Variants in PCDHA11 observed in about 807,000 individuals in gnomAD.
The protein encoded by PCDHA11 is protocadherin alpha-11.
PCDHA11 carries 61 observed loss-of-function variants against 70.3 expected under a neutral mutation model. The observed-to-expected ratio is 0.87, with a 90% CI of 0.71 to 1.07. The LOEUF (loss-of-function observed/expected upper bound fraction) is 1.07. Among genes scored for constraint, PCDHA11 ranks in the 50% least tolerant of loss-of-function variants. PCDHA11 has a pLI of 0.00. For synonymous variants in PCDHA11, 633 were observed against 555.1 expected, an observed-to-expected ratio of 1.14 and a Z score of -1.97; for missense variants, 1,324 against 1,237.5, an observed-to-expected ratio of 1.07 and a Z score of -1.05.
intron 1 of PCDHA11, among the ~76,000 whole-genome samples, chr5:140,951,227 G>A (rs181202222): frequency 1.3e-5 from 2 of 152,044 alleles, no homozygotes; most frequent in African/African-American, 2.4e-5. Flanking sequence ...ATTCTTGATG[G>A]TCTTTACCTT....
intron 3 of PCDHA11, among the ~76,000 whole-genome samples, chr5:140,983,182 C>T (rs782457174): frequency 6.6e-6 from 1 of 152,188 alleles, no homozygotes; most frequent in Non-Finnish European, 1.5e-5. Flanking sequence ...CTCACAATTT[C>T]TTAGTTTAGA....
At chr5:141,005,701 CAAAAAAAAAAAAAAAAAAAA>C (rs59860837) in intron 3 of PCDHA11, among the ~76,000 whole-genome samples, 1 of 7,786 alleles carries the variant, frequency 1.3e-4, no homozygotes, top group Admixed American at 1.6e-3. Flanking sequence ...AACTCCGTCT[CAAAAAAAAAAAAAAAAAAAA>C]AAAAAAAAAA....
chr5:140,921,706 T>C (rs2080341352), intron 1 of PCDHA11, among the ~76,000 whole-genome samples: 1 of 152,148 alleles, frequency 6.6e-6, no homozygotes, highest in Non-Finnish European at 1.5e-5. Flanking sequence ...TTTTAAACAG[T>C]AAACACACGA....
chr5:140,927,159 C>T (rs782468229), intron 1 of PCDHA11: 2 of 1,614,164 alleles, frequency 1.2e-6, no homozygotes, highest in South Asian at 2.2e-5. Context: ...TGTGCAGGGC[C>T]AAAGCTGCCT....
At chr5:140,901,553 A>C (rs1387848935) in intron 1 of PCDHA11, among the ~76,000 whole-genome samples, 1 of 152,072 alleles carries the variant, frequency 6.6e-6, no homozygotes, top group African/African-American at 2.4e-5. Flanking sequence ...TGTTCCATTC[A>C]TCTATGTGTC....
chr5:140,946,080 A>T lies in PCDHA11; in HGVS notation c.2392-32869A>T, dbSNP rs74501731. ...GGGAGAAAATATTTGCAAACCACAG[A>T]TCTGATAAGGAGTTAACATACCAAA... On this transcript the variant is annotated intron_variant, in intron 1 of 3. Coordinates refer to ENST00000398640, the MANE Select transcript of PCDHA11 (RefSeq NM_018902.5). Among the ~76,000 whole-genome samples, 867 of 152,226 alleles carry T rather than the reference A, an allele frequency of 5.7e-3. 6 individuals carry two copies. Among genetic ancestry groups the T allele is most frequent in the African/African-American group, 0.02 (843 of 41,572 alleles).
chr5:140,985,163 T>G (rs1045171380), intron 3 of PCDHA11, among the ~76,000 whole-genome samples: 7 of 152,096 alleles, frequency 4.6e-5, no homozygotes, highest in South Asian at 2.1e-4. Flanking sequence ...TGTCTCAATC[T>G]CCTGACCTCG....
At chr5:140,925,812 A>G (rs2082739434) in intron 1 of PCDHA11, among the ~76,000 whole-genome samples, 1 of 151,890 alleles carries the variant, frequency 6.6e-6, no homozygotes. Flanking sequence ...TCCACTTCTC[A>G]CGTCTTCTTT....
intron 1 of PCDHA11, chr5:140,928,776 T>C (rs2085518837): frequency 6.2e-7 from 1 of 1,614,044 alleles, no homozygotes; most frequent in East Asian, 2.2e-5. Flanking sequence ...TTCCCACTGA[T>C]GCAGTTAAGC....
chr5:140,870,666 G>T lies in PCDHA11; in HGVS notation c.1563G>T (p.Pro521=), dbSNP rs782557554. 1 of 1,612,662 alleles carries T rather than the reference G, an allele frequency of 6.2e-7. No individual in the cohort carries two copies. Among genetic ancestry groups the T allele is most frequent in the Admixed American group, 1.7e-5 (1 of 60,016 alleles). ...AESGKVYALQ[P]LDHEELELLQ... ...GCGGCAAGGTGTACGCGCTGCAGCC[G>T]TTGGACCACGAGGAGCTGGAGCTGC... The change falls in exon 1 of 4, where the codon CCG becomes CCT. Residue 521 remains proline (P), a synonymous_variant. Transcript: ENST00000398640.
At chr5:140,929,321 C>A (rs1554206981) in intron 1 of PCDHA11, 1 of 1,541,174 alleles carries the variant, frequency 6.5e-7, no homozygotes, top group Non-Finnish European at 8.8e-7. Flanking sequence ...AATGTCAATG[C>A]CATGGTAAGC....
At chr5:140,965,689 A>T (rs2095924180) in intron 1 of PCDHA11, among the ~76,000 whole-genome samples, 2 of 152,266 alleles carry the variant, frequency 1.3e-5, no homozygotes, top group African/African-American at 4.8e-5. Context: ...TTGAAGCAAG[A>T]TTAGAAAAAG....
Position 141,011,146 on chromosome 5 carries a change from C to T in PCDHA11, c.*1209C>T, listed in dbSNP as rs1180133019. On this transcript the variant is annotated 3_prime_UTR_variant, in exon 4 of 4. Transcript: ENST00000398640. ...TATGTGCACTTTGATACACAACCTT[C>T]TCTAACCAACTATATATCAAGACCC... The T allele has an allele frequency of 6.5e-6, 1 of 153,746 alleles. No individual in the cohort carries two copies. The highest frequency in any genetic ancestry group is 2.1e-4 in the South Asian group (1 of 4,824). The allele number at this position is 153,746 out of a possible 1,614,324, so 9.5% of individuals were successfully genotyped here.
chr5:140,906,545 T>C (rs1477554651), intron 1 of PCDHA11, among the ~76,000 whole-genome samples: 2 of 152,256 alleles, frequency 1.3e-5, no homozygotes, highest in Admixed American at 6.5e-5. Context: ...TCCTCATTTC[T>C]GCAACTGGTT....
At chr5:140,898,720 T>C (rs1343662110) in intron 1 of PCDHA11, among the ~76,000 whole-genome samples, 5 of 152,214 alleles carry the variant, frequency 3.3e-5, no homozygotes, top group African/African-American at 4.8e-5. Flanking sequence ...TTTCCAATTC[T>C]GTGAAGAAAG....
At chr5:140,972,353 T>C (rs571045648) in intron 1 of PCDHA11, among the ~76,000 whole-genome samples, 5 of 152,058 alleles carry the variant, frequency 3.3e-5, no homozygotes, top group South Asian at 2.1e-4. Flanking sequence ...TCTCACTATG[T>C]TGCACATGCT....
chr5:140,872,909 G>A (rs1214412416), intron 1 of PCDHA11, among the ~76,000 whole-genome samples: 7 of 152,076 alleles, frequency 4.6e-5, no homozygotes, highest in African/African-American at 1.7e-4. Flanking sequence ...GCTCTATCTT[G>A]TAATGCCTTA....
rs1301631971 is a variant in PCDHA11, at chr5:141,011,367, C to G, written c.*1430C>G. ...CAATCTCCCATATGTATGCTGTATG[C>G]TATGCTAAGACTCCTGAAATATACT... On this transcript the variant is annotated 3_prime_UTR_variant, in exon 4 of 4. Transcript: ENST00000398640. The G allele has an allele frequency of 1.3e-5, 2 of 153,830 alleles. No homozygotes were observed. The highest frequency in any genetic ancestry group is 1.3e-4 in the Admixed American group (2 of 15,298). 9.5% of individuals were successfully genotyped at this position (153,830 alleles called of 1,614,324 possible). A position where few individuals can be genotyped will look rare whatever the true frequency, so the allele number is the denominator to read the frequency against.
At chr5:140,913,205 C>G (rs2076252546) in intron 1 of PCDHA11, among the ~76,000 whole-genome samples, 1 of 152,176 alleles carries the variant, frequency 6.6e-6, no homozygotes, top group South Asian at 2.1e-4. Context: ...GCAGTGAAGC[C>G]AATGGGTCCC....
Sources: gnomAD v4.1 joint callset for allele counts (sites outside exome capture counted in the v4.1 genomes callset) on GRCh38, gnomAD v4.1.1 for gene constraint, MANE v1.5 for transcripts, NCBI Gene and HGNC (gene_info 2026-07-23, HGNC 2026-07-21) for gene names.